RAD51B: variants seen among roughly 807,000 people sequenced by gnomAD.
The protein encoded by RAD51B is DNA repair protein RAD51 homolog 2.
A neutral mutation model predicts 42.2 loss-of-function variants in RAD51B; 38 were observed. The observed-to-expected ratio is 0.90, with a 90% CI of 0.70 to 1.18. The LOEUF (loss-of-function observed/expected upper bound fraction) is 1.18. Ranked by LOEUF, RAD51B falls within the 50% of genes most tolerant of loss-of-function variation. RAD51B has a pLI of 0.00. For synonymous variants in RAD51B, 154 were observed against 145.2 expected, an observed-to-expected ratio of 1.06 and a Z score of -0.43; for missense variants, 373 against 400.7, an observed-to-expected ratio of 0.93 and a Z score of 0.59.
chr14:68,245,115 C>T (rs1197820792), intron 7 of RAD51B, among the ~76,000 whole-genome samples: 2 of 152,220 alleles, frequency 1.3e-5, no homozygotes, highest in African/African-American at 4.8e-5. Context: ...TCCAGACCTA[C>T]CCTGTCCTCG....
At chr14:68,441,309 G>A (rs80112172) in intron 9 of RAD51B, among the ~76,000 whole-genome samples, 18,124 of 146,982 alleles carry the variant, frequency 0.12, 1,438 homozygotes, top group East Asian at 0.43. Flanking sequence ...TTGGGAGGCC[G>A]AGGTGGGTGG....
chr14:68,249,112 C>T (rs2080564016), intron 7 of RAD51B, among the ~76,000 whole-genome samples: 1 of 152,210 alleles, frequency 6.6e-6, no homozygotes, highest in Non-Finnish European at 1.5e-5. Context: ...TCAGCTCTGT[C>T]ACCGGTTTGG....
intron 7 of RAD51B, among the ~76,000 whole-genome samples, chr14:67,937,087 A>G (rs2044982020): frequency 6.6e-6 from 1 of 152,186 alleles, no homozygotes; most frequent in Non-Finnish European, 1.5e-5. Flanking sequence ...TGTAAATGTA[A>G]TATTTATAGC....
At chr14:67,970,533 G>A (rs2074876188) in intron 7 of RAD51B, among the ~76,000 whole-genome samples, 1 of 149,174 alleles carries the variant, frequency 6.7e-6, no homozygotes, top group Non-Finnish European at 1.5e-5. Flanking sequence ...TTATTTTTAT[G>A]TTTATTCATA....
intron 7 of RAD51B, among the ~76,000 whole-genome samples, chr14:68,144,296 A>G (rs1266527091): frequency 1.3e-5 from 2 of 152,182 alleles, no homozygotes; most frequent in African/African-American, 4.8e-5. Context: ...GCTTGTCTGC[A>G]TATGTCTCAT....
At chr14:68,632,192 G>T (rs956901822) in intron 10 of RAD51B, among the ~76,000 whole-genome samples, 5 of 152,098 alleles carry the variant, frequency 3.3e-5, no homozygotes, top group African/African-American at 7.2e-5. Flanking sequence ...CTCATCTGGA[G>T]CCTTCTTGCC....
intron 7 of RAD51B, among the ~76,000 whole-genome samples, chr14:68,115,296 CA>C (rs1172032097): frequency 2.3e-5 from 3 of 130,830 alleles, no homozygotes; most frequent in African/African-American, 1.1e-4. Context: ...ATCACAAGAA[CA>C]AAAAACCAAA....
chr14:68,194,558 G>A lies in RAD51B; in HGVS notation c.757-97326G>A, dbSNP rs114802110. Among the ~76,000 whole-genome samples the A allele has an allele frequency of 9.8e-3, 1,495 of 152,310 alleles. 38 individuals carry two copies. The highest frequency in any genetic ancestry group is 0.034 in the African/African-American group (1,408 of 41,578). ...TTACTGTGAACTCAGCTGCTGTGTA[G>A]CTTTGAGTTTCTTGAATATTGTCCA... On this transcript the variant is annotated intron_variant, in intron 7 of 10. Coordinates refer to ENST00000471583, the MANE Select transcript of RAD51B (RefSeq NM_133510.4).
At chr14:68,421,272 C>A (rs1028883926) in intron 9 of RAD51B, among the ~76,000 whole-genome samples, 1 of 152,056 alleles carries the variant, frequency 6.6e-6, no homozygotes, top group Non-Finnish European at 1.5e-5. Context: ...TTGGAGCATT[C>A]GTCTTCTGGC....
chr14:68,344,551 G>A (rs1259153467), intron 8 of RAD51B, among the ~76,000 whole-genome samples: 2 of 152,136 alleles, frequency 1.3e-5, no homozygotes, highest in Non-Finnish European at 2.9e-5. Context: ...GGAAGCTGAG[G>A]CAGGAGAATG....
At chr14:67,853,518 G>C (rs1196257439) in intron 4 of RAD51B, among the ~76,000 whole-genome samples, 2 of 152,132 alleles carry the variant, frequency 1.3e-5, no homozygotes, top group Non-Finnish European at 2.9e-5. Context: ...CCAAGTTTGT[G>C]GTAATTTGTT....
chr14:68,679,961 A>G (rs1893392082), intron 11 of RAD51B, among the ~76,000 whole-genome samples: 1 of 152,260 alleles, frequency 6.6e-6, no homozygotes, highest in South Asian at 2.1e-4. Context: ...TAATAATTAC[A>G]TCTACAATAA....
At chr14:68,180,128 G>A (rs2079035595) in intron 7 of RAD51B, among the ~76,000 whole-genome samples, 1 of 152,094 alleles carries the variant, frequency 6.6e-6, no homozygotes, top group Non-Finnish European at 1.5e-5. Flanking sequence ...AGTTCCATAA[G>A]TCACCCTAAT....
intron 11 of RAD51B, among the ~76,000 whole-genome samples, chr14:68,668,240 G>T (rs1893073583): frequency 6.6e-6 from 1 of 152,222 alleles, no homozygotes; most frequent in Non-Finnish European, 1.5e-5. Context: ...ATCTGTGCCA[G>T]CAGGGGATGG....
chr14:68,659,163 G>A (rs759893138), intron 11 of RAD51B, among the ~76,000 whole-genome samples: 2 of 152,224 alleles, frequency 1.3e-5, no homozygotes, highest in East Asian at 1.9e-4. Context: ...CTCCACCCAC[G>A]GAGCCTTTTC....
intron 8 of RAD51B, among the ~76,000 whole-genome samples, chr14:68,360,853 G>A (rs759552924): frequency 2.0e-5 from 3 of 152,184 alleles, no homozygotes; most frequent in Non-Finnish European, 4.4e-5. Context: ...GTAGAAATGT[G>A]ATTGGACAAA....
At chr14:68,244,492 T>G (rs190923593) in intron 7 of RAD51B, among the ~76,000 whole-genome samples, 1 of 152,222 alleles carries the variant, frequency 6.6e-6, no homozygotes, top group Non-Finnish European at 1.5e-5. Context: ...CTTCTATTGA[T>G]AGGCTGCTTG....
chr14:68,167,424 AGCAC>A (rs994826415), intron 7 of RAD51B, among the ~76,000 whole-genome samples: 1 of 152,188 alleles, frequency 6.6e-6, no homozygotes, highest in Non-Finnish European at 1.5e-5. Flanking sequence ...TAAAACCTAT[AGCAC>A]GTATTTTGTG....
At chr14:68,625,137 C>A (rs1228623430) in intron 10 of RAD51B, among the ~76,000 whole-genome samples, 1 of 152,158 alleles carries the variant, frequency 6.6e-6, no homozygotes, top group African/African-American at 2.4e-5. Flanking sequence ...CTCATACCAC[C>A]TTATAGCATG....
Sources: allele counts gnomAD v4.1 joint callset (sites outside exome capture counted in the v4.1 genomes callset), GRCh38; gene constraint gnomAD v4.1.1; transcripts MANE v1.5; gene names NCBI Gene and HGNC (gene_info 2026-07-23, HGNC 2026-07-21).